MRPS23: variants seen among roughly 807,000 people sequenced by gnomAD.
MRPS23 encodes mitochondrial ribosomal protein S23, also known as small ribosomal subunit protein mS23.
Under a neutral mutation model 19.8 loss-of-function variants are expected in MRPS23, and 14 were observed. That is an observed-to-expected ratio of 0.71 (90% CI 0.47 to 1.11). MRPS23 has a LOEUF of 1.11. Ranked by LOEUF, MRPS23 falls within the 50% of genes least tolerant of loss-of-function variation. The probability of loss-of-function intolerance (pLI) is 0.00; values close to 1 mark genes in which losing one functional copy is unlikely to be tolerated. For missense variants in MRPS23, 242 were observed against 236.7 expected (o/e 1.02, Z -0.15); for synonymous variants, 113 against 89.7 (o/e 1.26, Z -1.47).
rs1353170408 is a variant in MRPS23, at chr17:57,834,954, T to A, written c.*4829A>T. 1 of 152,118 alleles carries A rather than the reference T, an allele frequency of 6.6e-6. No individual in the cohort carries two copies. Among genetic ancestry groups the A allele is most frequent in the Non-Finnish European group, 1.5e-5 (1 of 68,036 alleles). The allele number at this position is 152,118 out of a possible 1,614,324, so 9.4% of individuals were successfully genotyped here. On this transcript the variant is annotated 3_prime_UTR_variant, in exon 5 of 5. Coordinates refer to ENST00000313608, the MANE Select transcript of MRPS23 (RefSeq NM_016070.4). ...TCAGGCTAGCCTTTTAAGGACATCA[T>A]CAAAAATCAGGCCTACCCAATAAAG...
chr17:57,840,923 C>CA lies in MRPS23; in HGVS notation c.420+2dup. 1.2e-6 allele frequency: 2 copies of CA among 1,613,974 alleles called. No homozygotes were observed. Among genetic ancestry groups the CA allele is most frequent in the Non-Finnish European group, 1.7e-6 (2 of 1,179,944 alleles). On this transcript the variant is annotated splice_region_variant and intron_variant, in intron 4 of 4. Coordinates refer to ENST00000313608, the MANE Select transcript of MRPS23 (RefSeq NM_016070.4). ...GTAACAATTTTAACAATGAAATACT[C>CA]ACAGTCCTTGCTTCGCCTACTCGTC...
rs746598526 is a variant in MRPS23 at position 57,842,864 on chromosome 17, T to TAAAAA, written c.216-1609_216-1605dup. On this transcript the variant is annotated intron_variant, in intron 2 of 4. Coordinates refer to ENST00000313608, the MANE Select transcript of MRPS23 (RefSeq NM_016070.4). ...ATGGTGAGACCTGAGACCCTGTCTC[T>TAAAAA]AAAAAAAAAAAAAAAATATATATAT... Among the ~76,000 whole-genome samples, 149 of 79,302 alleles carry TAAAAA rather than the reference T, an allele frequency of 1.9e-3. 6 individuals are homozygous for TAAAAA. The highest frequency in any genetic ancestry group is 6.8e-3 in the African/African-American group (139 of 20,350). 52.0% of individuals were successfully genotyped at this position (79,302 alleles called of 152,430 possible).
rs1339604999 is a variant in MRPS23 at position 57,842,885 on chromosome 17, T to C, written c.216-1625A>G. The stretch of plus-strand genomic sequence containing the variant: ...TCTCTAAAAAAAAAAAAAAAATATA[T>C]ATATATACACACACACACACACACA... On this transcript the variant is annotated intron_variant, in intron 2 of 4. Transcript: ENST00000313608. 2.7e-4 allele frequency among the ~76,000 whole-genome samples: 30 copies of C among 109,326 alleles called. 1 individual carries two copies. Among genetic ancestry groups the C allele is most frequent in the Admixed American group, 8.5e-4 (9 of 10,620 alleles). The allele number at this position is 109,326 out of a possible 152,430, so 71.7% of individuals were successfully genotyped here.
intron 2 of MRPS23, among the ~76,000 whole-genome samples, chr17:57,844,127 CT>C (rs375774006): frequency 0.13 from 17,161 of 137,058 alleles, 1,048 homozygotes; most frequent in South Asian, 0.25. Flanking sequence ...GTTCCTTTTT[CT>C]TTTTTTTTTT....
intron 2 of MRPS23, among the ~76,000 whole-genome samples, chr17:57,846,712 G>A (rs1027337022): frequency 6.6e-6 from 1 of 152,026 alleles, no homozygotes; most frequent in African/African-American, 2.4e-5. Context: ...GATGCTTGAA[G>A]GCAGCATGCT....
intron 2 of MRPS23, among the ~76,000 whole-genome samples, chr17:57,847,039 T>C (rs1289109408): frequency 6.6e-6 from 1 of 152,048 alleles, no homozygotes; most frequent in Non-Finnish European, 1.5e-5. Context: ...GGCTCACACC[T>C]GTAATCCCAA....
chr17:57,849,692 A>C (rs576626309), intron 1 of MRPS23: 62 of 597,884 alleles, frequency 1.0e-4, no homozygotes, highest in Middle Eastern at 8.9e-4. Flanking sequence ...AGGAAGGCCC[A>C]TCAGGCTCTT....
At chr17:57,839,981 C>T (rs527681615) in intron 4 of MRPS23, 46 bp from the exon 5 acceptor site, 15 of 1,606,654 alleles carry the variant, frequency 9.3e-6, no homozygotes, top group East Asian at 4.5e-5. Flanking sequence ...ATCATTTTCA[C>T]TCAATTAATT....
chr17:57,844,292 A>G (rs1289044080), intron 2 of MRPS23, among the ~76,000 whole-genome samples: 3 of 151,536 alleles, frequency 2.0e-5, no homozygotes, highest in Non-Finnish European at 4.4e-5. Context: ...GGCATGCACA[A>G]CCACTCTATA....
In MRPS23 at chr17:57,840,991, C is replaced by T. The variant is rs2073736782; in HGVS notation, c.355G>A (p.Val119Met). 6.2e-7 allele frequency: 1 copy of T among 1,614,086 alleles called. No individual in the cohort carries two copies. The highest frequency in any genetic ancestry group is 1.3e-5 in the African/African-American group (1 of 74,942). ...LGETDEEKLFVETGKALLAEG... is the reference protein window; with the variant it reads ...LGETDEEKLFMETGKALLAEG... ...GCCAATAAAGCCTTCCCTGTTTCCA[C>T]AAATAACTTCTCTTCATCTGTTTCT... Residue 119 changes from valine to methionine, a missense_variant, in exon 4 of 5, where the codon GTG becomes ATG. Val to Met is a conservative substitution (Grantham distance 21, BLOSUM62 1). Transcript: ENST00000313608.
chr17:57,840,779 A>C (rs965175658), intron 4 of MRPS23, 147 bp downstream of exon 4: 11 of 908,288 alleles, frequency 1.2e-5, no homozygotes, highest in Non-Finnish European at 1.8e-5. Flanking sequence ...GGATATGTGT[A>C]GGTTATATGC....
At chr17:57,846,280 C>A (rs2073774229) in intron 2 of MRPS23, among the ~76,000 whole-genome samples, 1 of 72,062 alleles carries the variant, frequency 1.4e-5, no homozygotes, top group Non-Finnish European at 2.8e-5. Flanking sequence ...GACCAGCCGC[C>A]CCGTCCGGGA....
rs2073737762 is a variant in MRPS23, at chr17:57,841,165, A to T, written c.293+18T>A. On this transcript the variant is annotated intron_variant, in intron 3 of 4. Coordinates refer to ENST00000313608, the MANE Select transcript of MRPS23 (RefSeq NM_016070.4). ...TAAAAAATAATATGAATAGCCTAGG[A>T]CTTATAAAATGGCTTACCGTTGACA... The T allele has an allele frequency of 1.2e-6, 2 of 1,613,656 alleles. No homozygotes were observed. The highest frequency in any genetic ancestry group is 3.3e-5 in the Admixed American group (2 of 59,960).
intron 2 of MRPS23, among the ~76,000 whole-genome samples, chr17:57,845,853 T>C (rs548943186): frequency 1.2e-4 from 18 of 152,356 alleles, no homozygotes; most frequent in Non-Finnish European, 2.2e-4. Context: ...AAGCAACTTA[T>C]ATGCCACACA....
intron 2 of MRPS23, among the ~76,000 whole-genome samples, chr17:57,844,571 C>G (rs2073760116): frequency 6.7e-6 from 1 of 149,758 alleles, no homozygotes; most frequent in Non-Finnish European, 1.5e-5. Flanking sequence ...ACCAGCCTGG[C>G]CAACATGGTG....
rs59289595 is a variant in MRPS23, at chr17:57,838,289, C to CAAAAAAAAAAAAAAAAAAAAAAAA, written c.*1470_*1493dup. 2.7e-4 allele frequency: 8 copies of CAAAAAAAAAAAAAAAAAAAAAAAA among 29,416 alleles called. 1 individual carries two copies. The highest frequency in any genetic ancestry group is 3.9e-4 in the African/African-American group (4 of 10,148). The allele number at this position is 29,416 out of a possible 1,614,324, so 1.8% of individuals were successfully genotyped here. A position where few individuals can be genotyped will look rare whatever the true frequency, so the allele number is the denominator to read the frequency against. ...TGGGAAACAAAGTGATACTCCATCG[C>CAAAAAAAAAAAAAAAAAAAAAAAA]AAAAAAAAAAAAAAAAAAAAAAAAA... On this transcript the variant is annotated 3_prime_UTR_variant, in exon 5 of 5. Coordinates refer to ENST00000313608, the MANE Select transcript of MRPS23 (RefSeq NM_016070.4).
At chr17:57,845,195 G>A (rs766493048) in intron 2 of MRPS23, among the ~76,000 whole-genome samples, 9 of 152,198 alleles carry the variant, frequency 5.9e-5, no homozygotes, top group Non-Finnish European at 1.2e-4. Context: ...AAGCACAAAT[G>A]ATTTTAATGT....
rs35501487 is a variant in MRPS23 at position 57,842,891 on chromosome 17, T to TACACAC, written c.216-1637_216-1632dup. Among the ~76,000 whole-genome samples the TACACAC allele has an allele frequency of 6.0e-3, 460 of 76,512 alleles. 3 individuals carry two copies. Among genetic ancestry groups the TACACAC allele is most frequent in the Middle Eastern group, 0.01 (1 of 96 alleles). The allele number at this position is 76,512 out of a possible 152,430, so 50.2% of individuals were successfully genotyped here. A position where few individuals can be genotyped will look rare whatever the true frequency, so the allele number is the denominator to read the frequency against. Reference sequence around the variant, plus strand: ...AAAAAAAAAAAAAAATATATATATATACACACACACACACACACACACACA... The same window carrying TACACAC: ...AAAAAAAAAAAAAAATATATATATATACACACACACACACACACACACACACACACA... On this transcript the variant is annotated intron_variant, in intron 2 of 4. Coordinates refer to ENST00000313608, the MANE Select transcript of MRPS23 (RefSeq NM_016070.4).
rs1597951139 is a variant in MRPS23, at chr17:57,839,795, G to A, written c.561C>T (p.Leu187=). 3 of 1,614,126 alleles carry A rather than the reference G, an allele frequency of 1.9e-6. No homozygotes were observed. Among genetic ancestry groups the A allele is most frequent in the East Asian group, 2.2e-5 (1 of 44,880 alleles). The stretch of plus-strand genomic sequence containing the variant: ...GTATACAGGTCCTTCAGGGAGGCAA[G>A]AGACCTTTCGACTGGTCTGCAGGTG... ...LEAPADQSKG[L]LPP is the part of the protein sequence containing the mutation. The change falls in exon 5 of 5, where the codon CTC becomes CTT. Residue 187 remains leucine, a synonymous_variant. Transcript: ENST00000313608.
Sources: gnomAD v4.1 joint callset for allele counts (sites outside exome capture counted in the v4.1 genomes callset) on GRCh38, gnomAD v4.1.1 for gene constraint, MANE v1.5 for transcripts, NCBI Gene and HGNC (gene_info 2026-07-23, HGNC 2026-07-21) for gene names.